The following SLC39A8 variants were observed in gnomAD, a reference collection of about 807,000 sequenced individuals.
SLC39A8 encodes metal cation symporter ZIP8.
Under a neutral mutation model 40.4 loss-of-function variants are expected in SLC39A8, and 15 were observed. The observed-to-expected ratio is 0.37, with a 90% confidence interval of 0.25 to 0.57. The LOEUF (loss-of-function observed/expected upper bound fraction) is 0.57, where lower values mean the gene tolerates loss of function less well. Ranked by LOEUF, SLC39A8 falls within the 20% of genes least tolerant of loss-of-function variation. The pLI, the probability that SLC39A8 is intolerant of heterozygous loss-of-function variation, is 0.75. For synonymous variants in SLC39A8, 223 were observed against 221.6 expected (o/e 1.01, Z -0.06); for missense variants, 472 against 558.8 (o/e 0.84, Z 1.57).
intron 4 of SLC39A8, among the ~76,000 whole-genome samples, chr4:102,306,734 T>C (rs1467958301): frequency 6.6e-6 from 1 of 152,050 alleles, no homozygotes; most frequent in Non-Finnish European, 1.5e-5. Context: ...CTCTTTCTCC[T>C]TTCCTTCCTC....
chr4:102,261,423 C>G (rs1346239258), downstream of SLC39A8, among the ~76,000 whole-genome samples: 2 of 152,202 alleles, frequency 1.3e-5, no homozygotes, highest in Admixed American at 6.5e-5. Flanking sequence ...TAAAGCGAAA[C>G]AGTCTACTAG....
chr4:102,271,149 CAGGG>C (rs535391773), intron 6 of SLC39A8, among the ~76,000 whole-genome samples: 1 of 151,580 alleles, frequency 6.6e-6, no homozygotes, highest in South Asian at 2.1e-4. Flanking sequence ...AAAAGGAAAA[CAGGG>C]AGAACAAGGA....
exon 12 of SLC39A8, chr4:102,251,626 C>T (rs1040000301): frequency 6.9e-6 from 1 of 144,018 alleles, no homozygotes; most frequent in African/African-American, 3.0e-5. Flanking sequence ...GGAAAAGAGC[C>T]CATATAGGGA....
At chr4:102,308,431 C>T (rs1734284504) in intron 3 of SLC39A8, among the ~76,000 whole-genome samples, 1 of 152,094 alleles carries the variant, frequency 6.6e-6, no homozygotes, top group Non-Finnish European at 1.5e-5. Flanking sequence ...TGAATGAATA[C>T]TATCCTAAGC....
intron 3 of SLC39A8, among the ~76,000 whole-genome samples, chr4:102,312,699 C>T (rs913207765): frequency 6.6e-6 from 1 of 152,100 alleles, no homozygotes. Flanking sequence ...AACTAACAGG[C>T]CTACCACAGC....
intron 6 of SLC39A8, among the ~76,000 whole-genome samples, chr4:102,270,005 A>C (rs1732275144): frequency 6.6e-6 from 1 of 152,216 alleles, no homozygotes; most frequent in Admixed American, 6.5e-5. Flanking sequence ...ATTACAGCTG[A>C]AGGAGAAACA....
At chr4:102,298,792 C>G (rs147502596) in intron 6 of SLC39A8, among the ~76,000 whole-genome samples, 1 of 115,956 alleles carries the variant, frequency 8.6e-6, no homozygotes, top group South Asian at 2.7e-4. Context: ...ACTGACTTCA[C>G]AAAGAAAGTC....
At chr4:102,320,366 GT>G (rs1734884746) in intron 2 of SLC39A8, among the ~76,000 whole-genome samples, 1 of 117,510 alleles carries the variant, frequency 8.5e-6, no homozygotes, top group Non-Finnish European at 1.7e-5. Flanking sequence ...ATATATATGA[GT>G]ATATATATAT....
chr4:102,324,137 CTGTAA>C (rs1735089640), intron 2 of SLC39A8: 1 of 172,926 alleles, frequency 5.8e-6, no homozygotes. Context: ...TGGCTCACAC[CTGTAA>C]TCCCAGCACT....
intron 6 of SLC39A8, among the ~76,000 whole-genome samples, chr4:102,279,735 A>G (rs540146339): frequency 6.6e-6 from 1 of 152,288 alleles, no homozygotes; most frequent in East Asian, 1.9e-4. Context: ...AATATTTTAT[A>G]TGAAGAGTGT....
chr4:102,278,956 G>A (rs1215691314), intron 6 of SLC39A8, among the ~76,000 whole-genome samples: 4 of 151,836 alleles, frequency 2.6e-5, no homozygotes, highest in African/African-American at 4.8e-5. Flanking sequence ...GAGAACTTAC[G>A]GGCACAGGGA....
chr4:102,332,078 G>A lies in SLC39A8; in HGVS notation c.219+12366C>T, dbSNP rs146594685. 1.0e-3 allele frequency among the ~76,000 whole-genome samples: 155 copies of A among 152,216 alleles called. 2 individuals are homozygous for A. The East Asian group carries it at 0.025, about 24-fold the overall frequency. ...CATAAAAACCCTAGAAGAAAACCTA[G>A]GCAATACCATTCAGGACATAGACAT... On this transcript the variant is annotated intron_variant, in intron 2 of 8. Coordinates refer to ENST00000356736, the MANE Select transcript of SLC39A8 (RefSeq NM_001135146.2).
In SLC39A8 at chr4:102,344,239, G is replaced by C. The variant is rs529009206; in HGVS notation, c.219+205C>G. Reference sequence around the variant, plus strand: ...ATCAGGCGTAAAACTGCAGTTTCCGGCTGCCAAATCCCTTAACAACGTTAA... The same window carrying C: ...ATCAGGCGTAAAACTGCAGTTTCCGCCTGCCAAATCCCTTAACAACGTTAA... On this transcript the variant is annotated intron_variant, in intron 2 of 8. Coordinates refer to ENST00000356736, the MANE Select transcript of SLC39A8 (RefSeq NM_001135146.2). Among the ~76,000 whole-genome samples the C allele has an allele frequency of 1.1e-4, 16 of 152,168 alleles. No homozygotes were observed. In the South Asian group the frequency reaches 1.9e-3, roughly 18 times the overall value.
chr4:102,276,423 C>G (rs2149011879), intron 6 of SLC39A8, among the ~76,000 whole-genome samples: 1 of 152,182 alleles, frequency 6.6e-6, no homozygotes, highest in Non-Finnish European at 1.5e-5. Context: ...TACAGCATCC[C>G]AAGACTAAAC....
chr4:102,308,936 C>A (rs1038455939), intron 3 of SLC39A8, among the ~76,000 whole-genome samples: 41 of 152,138 alleles, frequency 2.7e-4, no homozygotes, highest in African/African-American at 9.7e-4. Context: ...CTGCCAGAAT[C>A]ACGCAGATAG....
Position 102,289,899 on chromosome 4 carries a change from A to G in SLC39A8, c.840+14418T>C, listed in dbSNP as rs533805947. Among the ~76,000 whole-genome samples the G allele has an allele frequency of 1.6e-3, 244 of 152,296 alleles. 1 individual carries two copies. The highest frequency in any genetic ancestry group is 5.4e-3 in the African/African-American group (224 of 41,564). On this transcript the variant is annotated intron_variant, in intron 6 of 8. Coordinates refer to ENST00000356736, the MANE Select transcript of SLC39A8 (RefSeq NM_001135146.2). ...AACAACGTTGAAATGACAACAAAGG[A>G]TTTAGAATACTTCATAAATGTAGTT...
At chr4:102,321,309 T>C (rs1282206022) in intron 2 of SLC39A8, among the ~76,000 whole-genome samples, 1 of 152,140 alleles carries the variant, frequency 6.6e-6, no homozygotes, top group East Asian at 1.9e-4. Context: ...CTGCTACTGC[T>C]GTTGATAGAT....
At position 102,262,002 on chromosome 4, in the gene SLC39A8, G is replaced by A. The variant is rs1731882965; in HGVS notation, c.*1042C>T. The A allele has an allele frequency of 1.0e-6, 1 of 985,630 alleles. No homozygotes were observed. The highest frequency in any genetic ancestry group is 1.2e-6 in the Non-Finnish European group (1 of 829,802). 61.1% of individuals were successfully genotyped at this position (985,630 alleles called of 1,614,324 possible). A position where few individuals can be genotyped will look rare whatever the true frequency, so the allele number is the denominator to read the frequency against. On this transcript the variant is annotated 3_prime_UTR_variant, in exon 9 of 9. Transcript: ENST00000356736. Reference sequence around the variant, plus strand: ...CCATGGTGTGCTAATTTTTTTCAAGGTATACCATATGGAAAAGTATAGGCT... The same window carrying A: ...CCATGGTGTGCTAATTTTTTTCAAGATATACCATATGGAAAAGTATAGGCT...
chr4:102,337,789 T>C (rs1220455579), intron 2 of SLC39A8, among the ~76,000 whole-genome samples: 1 of 152,224 alleles, frequency 6.6e-6, no homozygotes, highest in Non-Finnish European at 1.5e-5. Flanking sequence ...ATACTAGACA[T>C]GCCTGAAGTC....
Sources: gnomAD v4.1 joint callset for allele counts (sites outside exome capture counted in the v4.1 genomes callset) on GRCh38, gnomAD v4.1.1 for gene constraint, MANE v1.5 for transcripts, NCBI Gene and HGNC (gene_info 2026-07-23, HGNC 2026-07-21) for gene names.